KIFAP3: variants seen among roughly 807,000 people sequenced by gnomAD.
KIFAP3 encodes the protein kinesin associated protein 3, also known as kinesin-associated protein 3.
Under a neutral mutation model 106.5 loss-of-function variants are expected in KIFAP3, and 68 were observed. The ratio of observed to expected loss-of-function variants is 0.64; its 90% confidence interval spans 0.53 to 0.78. KIFAP3 has a LOEUF of 0.78. KIFAP3 is among the 30% of genes least tolerant of loss of function. The pLI is 0.00. For synonymous variants in KIFAP3, 320 were observed against 311.5 expected (o/e 1.03, Z -0.29); for missense variants, 780 against 941.8 (o/e 0.83, Z 2.25).
intron 1 of KIFAP3, among the ~76,000 whole-genome samples, chr1:170,079,856 C>T (rs1244332286): frequency 1.3e-5 from 2 of 151,104 alleles, no homozygotes; most frequent in African/African-American, 4.9e-5. Flanking sequence ...ATTGCTTTGG[C>T]TAGTATGGAT....
At chr1:170,000,030 G>C (rs779607724) in intron 10 of KIFAP3, among the ~76,000 whole-genome samples, 35 of 152,008 alleles carry the variant, frequency 2.3e-4, no homozygotes, top group South Asian at 2.1e-4. Context: ...GATGGGTTTT[G>C]AATTTTAAAA....
intron 7 of KIFAP3, among the ~76,000 whole-genome samples, chr1:170,033,465 T>C (rs559379696): frequency 1.3e-5 from 2 of 151,900 alleles, no homozygotes; most frequent in South Asian, 4.1e-4. Context: ...AAACACTTGA[T>C]TCAAAGGAAA....
At chr1:169,944,113 A>G (rs1664293049) in intron 19 of KIFAP3, among the ~76,000 whole-genome samples, 1 of 152,124 alleles carries the variant, frequency 6.6e-6, no homozygotes, top group Non-Finnish European at 1.5e-5. Flanking sequence ...TAGGCCCGAT[A>G]GGCTGTGCTC....
chr1:170,022,386 T>C (rs1276311401), intron 9 of KIFAP3, among the ~76,000 whole-genome samples: 1 of 152,120 alleles, frequency 6.6e-6, no homozygotes, highest in African/African-American at 2.4e-5. Flanking sequence ...TTTCTGGAAA[T>C]TAACATTTAA....
At chr1:169,984,490 A>G (rs1666686234) in intron 12 of KIFAP3, 92 bp downstream of exon 12, 1 of 535,674 alleles carries the variant, frequency 1.9e-6, no homozygotes. Context: ...GGACTTACAT[A>G]ATCATTATAA....
chr1:170,050,188 G>A (rs777595964), intron 2 of KIFAP3, among the ~76,000 whole-genome samples: 9 of 152,022 alleles, frequency 5.9e-5, no homozygotes, highest in South Asian at 4.1e-4. Flanking sequence ...TGAAAACTTC[G>A]TGAAGCACAT....
chr1:170,026,548 G>A (rs1052963559), intron 8 of KIFAP3, among the ~76,000 whole-genome samples: 1 of 152,174 alleles, frequency 6.6e-6, no homozygotes, highest in African/African-American at 2.4e-5. Context: ...CTGAGTTAAG[G>A]AGATGAAGCC....
At chr1:170,059,493 C>T (rs1380112960) in intron 1 of KIFAP3, among the ~76,000 whole-genome samples, 1 of 152,102 alleles carries the variant, frequency 6.6e-6, no homozygotes, top group East Asian at 1.9e-4. Flanking sequence ...AGACCAATAA[C>T]CAATAGGCTC....
intron 10 of KIFAP3, 99 bp downstream of exon 10, chr1:170,016,363 G>T: frequency 1.1e-6 from 1 of 878,536 alleles, no homozygotes; most frequent in South Asian, 1.6e-5. Flanking sequence ...AATATAGACA[G>T]AATGCTTTTT....
intron 3 of KIFAP3, among the ~76,000 whole-genome samples, chr1:170,045,068 G>T (rs1182230126): frequency 2.0e-5 from 3 of 152,120 alleles, no homozygotes. Context: ...TTCTTTGGTA[G>T]CAGGACACAA....
chr1:170,005,023 C>G (rs1667872172), intron 10 of KIFAP3, among the ~76,000 whole-genome samples: 1 of 151,968 alleles, frequency 6.6e-6, no homozygotes, highest in African/African-American at 2.4e-5. Context: ...AAAAAACAAA[C>G]AACCCCATCA....
chr1:170,027,936 A>G (rs906957859), intron 8 of KIFAP3, among the ~76,000 whole-genome samples: 1 of 152,150 alleles, frequency 6.6e-6, no homozygotes, highest in Non-Finnish European at 1.5e-5. Context: ...ATTAATATAT[A>G]GACAAAGATA....
chr1:169,985,823 G>A (rs1221322079), intron 11 of KIFAP3, among the ~76,000 whole-genome samples: 3 of 151,870 alleles, frequency 2.0e-5, no homozygotes, highest in Non-Finnish European at 4.4e-5. Context: ...AAAAAGGTAA[G>A]AAGGAAAAGG....
chr1:170,013,395 T>C (rs953367994), intron 10 of KIFAP3, among the ~76,000 whole-genome samples: 27 of 151,688 alleles, frequency 1.8e-4, no homozygotes, highest in African/African-American at 6.0e-4. Context: ...TGTAATTTTG[T>C]AATATTGCAT....
intron 5 of KIFAP3, 78 bp from the exon 6 acceptor site, chr1:170,035,631 T>C: frequency 3.7e-6 from 3 of 819,688 alleles, no homozygotes; most frequent in East Asian, 2.7e-5. Context: ...AAATGTCTAG[T>C]TATTAATGAA....
intron 9 of KIFAP3, among the ~76,000 whole-genome samples, chr1:170,022,452 T>C (rs1206364782): frequency 6.6e-6 from 1 of 152,072 alleles, no homozygotes; most frequent in Non-Finnish European, 1.5e-5. Context: ...AGACCTAAGA[T>C]ATTTTTCCCA....
At chr1:170,074,323 C>T in intron 1 of KIFAP3, 113 bp downstream of exon 1, 2 of 1,260,498 alleles carry the variant, frequency 1.6e-6, no homozygotes, top group Non-Finnish European at 2.3e-6. Context: ...TCTCTCCCTG[C>T]TTCCCATCCC....
intron 1 of KIFAP3, among the ~76,000 whole-genome samples, chr1:170,069,377 C>T (rs1199950387): frequency 6.6e-6 from 1 of 152,058 alleles, no homozygotes; most frequent in Non-Finnish European, 1.5e-5. Context: ...CACCATTACC[C>T]TGATACCAAA....
At chr1:170,055,463 A>G (rs1325726649) in intron 1 of KIFAP3, 27 bp from the exon 2 acceptor site, 3 of 1,530,310 alleles carry the variant, frequency 2.0e-6, no homozygotes. Context: ...AAATGATATA[A>G]CCAGATTAAA....
Sources: gnomAD v4.1 joint callset for allele counts (sites outside exome capture counted in the v4.1 genomes callset) on GRCh38, gnomAD v4.1.1 for gene constraint, MANE v1.5 for transcripts, NCBI Gene and HGNC (gene_info 2026-07-23, HGNC 2026-07-21) for gene names.